TMEM74: variants seen among roughly 807,000 people sequenced by gnomAD.
TMEM74 encodes the protein transmembrane protein 74.
TMEM74 carries 13 observed loss-of-function variants against 18.1 expected under a neutral mutation model. That is an observed-to-expected ratio of 0.72 (90% CI 0.47 to 1.14). TMEM74 has a LOEUF of 1.14. TMEM74 is among the 50% of genes most tolerant of loss of function. The probability of loss-of-function intolerance (pLI) is 0.00; values close to 1 mark genes in which losing one functional copy is unlikely to be tolerated. For synonymous variants in TMEM74, 159 were observed against 146.6 expected, an observed-to-expected ratio of 1.08 and a Z score of -0.61; for missense variants, 372 against 375.9, an observed-to-expected ratio of 0.99 and a Z score of 0.09.
chr8:108,724,591 T>G (rs1299356201), intron 1 of TMEM74, among the ~76,000 whole-genome samples: 4 of 152,212 alleles, frequency 2.6e-5, no homozygotes, highest in Non-Finnish European at 4.4e-5. Flanking sequence ...AAAAAGTGAT[T>G]CATTATTATG....
chr8:108,772,478 A>C (rs1814183921), intron 1 of TMEM74, among the ~76,000 whole-genome samples: 1 of 152,202 alleles, frequency 6.6e-6, no homozygotes, highest in South Asian at 2.1e-4. Context: ...AGAAATGACC[A>C]ATGCTTGAAA....
At chr8:108,747,888 T>C (rs1441823746) in intron 1 of TMEM74, among the ~76,000 whole-genome samples, 1 of 152,162 alleles carries the variant, frequency 6.6e-6, no homozygotes, top group Non-Finnish European at 1.5e-5. Flanking sequence ...GCAAAGGACA[T>C]GATCTCATTC....
At chr8:108,695,404 TGAG>T (rs976647375) in intron 1 of TMEM74, among the ~76,000 whole-genome samples, 3 of 152,300 alleles carry the variant, frequency 2.0e-5, no homozygotes, top group East Asian at 1.9e-4. Context: ...ATAGAGTGTG[TGAG>T]AAGTATTTTG....
chr8:108,726,414 C>A (rs985171371), intron 1 of TMEM74, among the ~76,000 whole-genome samples: 6 of 152,066 alleles, frequency 3.9e-5, no homozygotes, highest in Admixed American at 3.3e-4. Flanking sequence ...TTTAAGATTG[C>A]AAAATATTTC....
chr8:108,668,007 C>T (rs1812966565), intron 1 of TMEM74, among the ~76,000 whole-genome samples: 1 of 152,146 alleles, frequency 6.6e-6, no homozygotes, highest in South Asian at 2.1e-4. Context: ...TCCACATTTC[C>T]TGGTTCTACA....
chr8:108,766,211 C>T (rs759293751), intron 1 of TMEM74, among the ~76,000 whole-genome samples: 11 of 151,946 alleles, frequency 7.2e-5, no homozygotes, highest in Non-Finnish European at 1.5e-4. Flanking sequence ...TTCCTTCCTT[C>T]CTTCCTTCCT....
chr8:108,765,361 C>A (rs1483490444), intron 1 of TMEM74, among the ~76,000 whole-genome samples: 1 of 150,902 alleles, frequency 6.6e-6, no homozygotes, highest in Non-Finnish European at 1.5e-5. Flanking sequence ...GCTTGGGGAC[C>A]CCATAGGCAA....
At chr8:108,744,582 A>C (rs114604486) in intron 1 of TMEM74, among the ~76,000 whole-genome samples, 128 of 152,290 alleles carry the variant, frequency 8.4e-4, no homozygotes, top group African/African-American at 2.9e-3. Flanking sequence ...AGAGAAGGTG[A>C]ATATTTGAAG....
chr8:108,786,971 T>G (rs1586299142), intron 1 of TMEM74, among the ~76,000 whole-genome samples: 1 of 152,330 alleles, frequency 6.6e-6, no homozygotes, highest in South Asian at 2.1e-4. Context: ...CGATTTCCTT[T>G]GCAGCTCCCT....
intron 2 of TMEM74, among the ~76,000 whole-genome samples, chr8:108,648,013 ACCT>A (rs750412043): frequency 1.3e-5 from 2 of 152,136 alleles, no homozygotes; most frequent in Non-Finnish European, 2.9e-5. Flanking sequence ...CCATGCAAAG[ACCT>A]CAGTTATTCC....
intron 1 of TMEM74, among the ~76,000 whole-genome samples, chr8:108,743,586 T>C (rs999519192): frequency 1.3e-5 from 2 of 152,168 alleles, no homozygotes. Flanking sequence ...AATATATAGC[T>C]TTCTTGTTTT....
chr8:108,660,220 C>A (rs1812886580), intron 1 of TMEM74, among the ~76,000 whole-genome samples: 2 of 152,178 alleles, frequency 1.3e-5, no homozygotes, highest in South Asian at 4.1e-4. Flanking sequence ...ACTGGCAATT[C>A]TTTCTCCTAA....
chr8:108,725,927 CA>C (rs1218136805), intron 1 of TMEM74, among the ~76,000 whole-genome samples: 1 of 151,992 alleles, frequency 6.6e-6, no homozygotes, highest in Non-Finnish European at 1.5e-5. Flanking sequence ...TTGCCATAAT[CA>C]GGGTGAGATT....
intron 2 of TMEM74, among the ~76,000 whole-genome samples, chr8:108,637,632 T>C (rs978905827): frequency 1.2e-4 from 18 of 152,098 alleles, no homozygotes; most frequent in African/African-American, 4.3e-4. Context: ...AGCCAAGGAA[T>C]ACAGATGGTA....
At chr8:108,726,698 T>G (rs561214234) in intron 1 of TMEM74, among the ~76,000 whole-genome samples, 11 of 152,280 alleles carry the variant, frequency 7.2e-5, no homozygotes, top group African/African-American at 2.6e-4. Flanking sequence ...TTCATTAAGT[T>G]CTACTATAAG....
intron 1 of TMEM74, among the ~76,000 whole-genome samples, chr8:108,663,157 CCTGCAGAGGAAGAG>C (rs1171284933): frequency 5.9e-5 from 9 of 152,186 alleles, no homozygotes; most frequent in African/African-American, 2.2e-4. Flanking sequence ...GAACAGACAG[CCTGCAGAGGAAGAG>C]AAATTTTTTT....
chr8:108,666,792 C>G (rs952274929), intron 1 of TMEM74, among the ~76,000 whole-genome samples: 25 of 152,104 alleles, frequency 1.6e-4, no homozygotes, highest in African/African-American at 5.8e-4. Flanking sequence ...ACCGACCAGA[C>G]AGAATCCTAC....
chr8:108,778,821 C>G (rs1814267857), downstream of TMEM74, among the ~76,000 whole-genome samples: 1 of 152,066 alleles, frequency 6.6e-6, no homozygotes, highest in South Asian at 2.1e-4. Context: ...AATATTTATT[C>G]ATGTATTTTT....
chr8:108,745,156 C>T (rs1040405744), intron 1 of TMEM74, among the ~76,000 whole-genome samples: 7 of 152,158 alleles, frequency 4.6e-5, no homozygotes, highest in Non-Finnish European at 8.8e-5. Flanking sequence ...CTTTCTTCCT[C>T]TGTTTAGTTG....
Sources: gnomAD v4.1 joint callset for allele counts (sites outside exome capture counted in the v4.1 genomes callset) on GRCh38, gnomAD v4.1.1 for gene constraint, MANE v1.5 for transcripts, NCBI Gene and HGNC (gene_info 2026-07-23, HGNC 2026-07-21) for gene names.